ZNF423: variants seen among roughly 807,000 people sequenced by gnomAD.
ZNF423 encodes zinc finger protein 423, also known as Ebf-associated zinc finger protein.
ZNF423 carries 12 observed loss-of-function variants against 95.8 expected under a neutral mutation model. That is an observed-to-expected ratio of 0.13 (90% confidence interval 0.08 to 0.20). The LOEUF is 0.20. ZNF423 is among the 10% of genes least tolerant of loss of function. The pLI is 1.00. For synonymous variants in ZNF423, 749 were observed against 711.9 expected, an observed-to-expected ratio of 1.05 and a Z score of -0.83; for missense variants, 1,316 against 1,737.1, an observed-to-expected ratio of 0.76 and a Z score of 4.31.
At chr16:49,562,316 C>T (rs1970044958) in intron 5 of ZNF423, among the ~76,000 whole-genome samples, 1 of 152,178 alleles carries the variant, frequency 6.6e-6, no homozygotes, top group Non-Finnish European at 1.5e-5. Flanking sequence ...CCGTGTGAGT[C>T]TTAAACAAAT....
chr16:49,817,560 A>G (rs2034875842), intron 1 of ZNF423, among the ~76,000 whole-genome samples: 1 of 152,218 alleles, frequency 6.6e-6, no homozygotes, highest in Admixed American at 6.5e-5. Context: ...GTGCGGGTCC[A>G]GAGCCACACA....
intron 5 of ZNF423, among the ~76,000 whole-genome samples, chr16:49,584,273 G>A (rs941378339): frequency 5.9e-5 from 9 of 152,136 alleles, no homozygotes; most frequent in Non-Finnish European, 1.0e-4. Flanking sequence ...CTGGATATAC[G>A]AAAGAACGTC....
chr16:49,703,687 G>C (rs1466273386), intron 3 of ZNF423, among the ~76,000 whole-genome samples: 2 of 152,274 alleles, frequency 1.3e-5, no homozygotes, highest in Non-Finnish European at 2.9e-5. Flanking sequence ...GGGAGGCCCA[G>C]CAAGGGTGGA....
intron 3 of ZNF423, chr16:49,664,051 C>T (rs1366452147): frequency 2.0e-6 from 2 of 985,412 alleles, no homozygotes; most frequent in East Asian, 1.1e-4. Context: ...CCCCTTCCAA[C>T]CCAGCCACCC....
At chr16:49,538,683 AG>A (rs1184623520) in intron 5 of ZNF423, among the ~76,000 whole-genome samples, 1 of 152,158 alleles carries the variant, frequency 6.6e-6, no homozygotes, top group Non-Finnish European at 1.5e-5. Flanking sequence ...CTGCACTCAC[AG>A]GGCCTCACTC....
intron 5 of ZNF423, among the ~76,000 whole-genome samples, chr16:49,612,927 G>A (rs1971772046): frequency 6.6e-6 from 1 of 151,186 alleles, no homozygotes; most frequent in South Asian, 2.1e-4. Flanking sequence ...ATTTATAATT[G>A]CTCAAAAAAT....
At chr16:49,712,465 G>A (rs570541886) in intron 3 of ZNF423, among the ~76,000 whole-genome samples, 1 of 152,268 alleles carries the variant, frequency 6.6e-6, no homozygotes, top group Non-Finnish European at 1.5e-5. Flanking sequence ...TCCACTGATA[G>A]AGGGCTACTC....
At chr16:49,608,243 G>A (rs574010995) in intron 5 of ZNF423, among the ~76,000 whole-genome samples, 10 of 152,288 alleles carry the variant, frequency 6.6e-5, no homozygotes, top group South Asian at 2.1e-4. Flanking sequence ...ACAAGGGATC[G>A]TTAGTATCAA....
intron 5 of ZNF423, among the ~76,000 whole-genome samples, chr16:49,566,479 T>C (rs1970194352): frequency 6.6e-6 from 1 of 152,066 alleles, no homozygotes; most frequent in African/African-American, 2.4e-5. Flanking sequence ...AAAGACTCCA[T>C]GGCCCAAAGA....
At chr16:49,762,112 C>G (rs2033843054) in intron 2 of ZNF423, among the ~76,000 whole-genome samples, 1 of 152,220 alleles carries the variant, frequency 6.6e-6, no homozygotes, top group East Asian at 1.9e-4. Flanking sequence ...ACACCCAGCC[C>G]AAATCCATAT....
chr16:49,540,509 G>A (rs1007606199), intron 5 of ZNF423, among the ~76,000 whole-genome samples: 1 of 151,770 alleles, frequency 6.6e-6, no homozygotes, highest in Admixed American at 6.6e-5. Flanking sequence ...TCAAACTTCT[G>A]GCCTCAAGCA....
chr16:49,641,289 G>A (rs1018961946), intron 3 of ZNF423, among the ~76,000 whole-genome samples: 4 of 152,208 alleles, frequency 2.6e-5, no homozygotes, highest in African/African-American at 7.2e-5. Context: ...GCTTCTGGGG[G>A]CCAAACAGTC....
At position 49,527,145 on chromosome 16, in the gene ZNF423, C is replaced by A. The variant is rs537367323; in HGVS notation, c.3602-1651G>T. On this transcript the variant is annotated intron_variant, in intron 5 of 7. Coordinates refer to ENST00000563137, the MANE Select transcript of ZNF423 (RefSeq NM_001379286.1). ...CCCTGGCCCAGCCATCCCCCGCACC[C>A]CCGGGCACCCCACCGCAGAGGCGCA... Among the ~76,000 whole-genome samples the A allele has an allele frequency of 2.6e-5, 4 of 152,256 alleles. No individual in the cohort carries two copies. The East Asian group carries it at 7.7e-4, about 29-fold the overall frequency.
chr16:49,702,903 G>GCA (rs879766699), intron 3 of ZNF423, among the ~76,000 whole-genome samples: 14 of 118,566 alleles, frequency 1.2e-4, no homozygotes, highest in African/African-American at 4.2e-4. Flanking sequence ...CTGCCTGTGT[G>GCA]CACACGCACA....
chr16:49,619,104 T>C (rs1255985531), intron 5 of ZNF423, among the ~76,000 whole-genome samples: 1 of 152,194 alleles, frequency 6.6e-6, no homozygotes, highest in Non-Finnish European at 1.5e-5. Context: ...CCTTACTTCT[T>C]ATACTCTGAG....
intron 3 of ZNF423, among the ~76,000 whole-genome samples, chr16:49,724,422 C>T (rs547787835): frequency 6.6e-6 from 1 of 150,388 alleles, no homozygotes; most frequent in Non-Finnish European, 1.5e-5. Context: ...GAGTGCATTC[C>T]CTGTGGGCAG....
intron 3 of ZNF423, among the ~76,000 whole-genome samples, chr16:49,639,317 G>A (rs942991952): frequency 6.6e-6 from 1 of 152,204 alleles, no homozygotes; most frequent in African/African-American, 2.4e-5. Context: ...TAATCCTGGA[G>A]GGAAGGAAAT....
chr16:49,834,777 C>T (rs1007157845), intron 1 of ZNF423, among the ~76,000 whole-genome samples: 2 of 152,084 alleles, frequency 1.3e-5, no homozygotes, highest in East Asian at 1.9e-4. Flanking sequence ...ATCCAGAGCC[C>T]GCCCCAGGGG....
chr16:49,634,879 A>C (rs1248582440), intron 4 of ZNF423, among the ~76,000 whole-genome samples: 1 of 152,088 alleles, frequency 6.6e-6, no homozygotes, highest in African/African-American at 2.4e-5. Context: ...AAAGCCACTT[A>C]TCATGGGCCT....
Sources: allele counts gnomAD v4.1 joint callset (sites outside exome capture counted in the v4.1 genomes callset), GRCh38; gene constraint gnomAD v4.1.1; transcripts MANE v1.5; gene names NCBI Gene and HGNC (gene_info 2026-07-23, HGNC 2026-07-21).